Variants in PSD3 observed in about 807,000 individuals in gnomAD.
PSD3 encodes pleckstrin and Sec7 domain containing 3, also known as PH and SEC7 domain-containing protein 3.
A neutral mutation model predicts 105.5 loss-of-function variants in PSD3; 49 were observed. That is an observed-to-expected ratio of 0.46 (90% CI 0.37 to 0.59). The LOEUF is 0.59. Among genes scored for constraint, PSD3 ranks in the 20% least tolerant of loss-of-function variants. The probability of loss-of-function intolerance (pLI) is 0.00; values close to 1 mark genes in which losing one functional copy is unlikely to be tolerated. For synonymous variants in PSD3, 557 were observed against 457.8 expected (o/e 1.22, Z -2.77); for missense variants, 1,561 against 1,263.8 (o/e 1.24, Z -3.57).
At chr8:18,679,376 G>T (rs142928223) in intron 9 of PSD3, among the ~76,000 whole-genome samples, 322 of 152,304 alleles carry the variant, frequency 2.1e-3, no homozygotes, top group African/African-American at 7.5e-3. Context: ...ATTGCAACAC[G>T]TTTTTAAAAA....
chr8:18,943,324 T>G (rs1822671099), intron 1 of PSD3, among the ~76,000 whole-genome samples: 1 of 152,238 alleles, frequency 6.6e-6, no homozygotes, highest in Non-Finnish European at 1.5e-5. Context: ...CTGTTGTTTA[T>G]TTCTGGGTAA....
chr8:18,648,847 T>C (rs1030740354), intron 10 of PSD3, among the ~76,000 whole-genome samples: 1 of 152,246 alleles, frequency 6.6e-6, no homozygotes. Flanking sequence ...AGGGCCAAGG[T>C]ACAGCTCAAG....
At chr8:18,914,199 G>GA (rs60489138) in intron 2 of PSD3, among the ~76,000 whole-genome samples, 57,299 of 137,950 alleles carry the variant, frequency 0.42, 11,941 homozygotes, top group African/African-American at 0.55. Flanking sequence ...TCATGATAAA[G>GA]AAAAAAAAAA....
intron 9 of PSD3, among the ~76,000 whole-genome samples, chr8:18,711,204 A>G (rs558538984): frequency 1.3e-5 from 2 of 152,336 alleles, no homozygotes; most frequent in South Asian, 4.1e-4. Flanking sequence ...ACACAGACCA[A>G]TAACACTATG....
chr8:19,019,060 G>C (rs546860827), intron 1 of PSD3, among the ~76,000 whole-genome samples: 25 of 152,282 alleles, frequency 1.6e-4, no homozygotes, highest in Admixed American at 1.4e-3. Context: ...CTCCCAAAAG[G>C]CTGGGATTAC....
At chr8:18,663,635 C>G (rs1297121973) in intron 9 of PSD3, among the ~76,000 whole-genome samples, 1 of 152,180 alleles carries the variant, frequency 6.6e-6, no homozygotes, top group Non-Finnish European at 1.5e-5. Flanking sequence ...TTCTATTGAA[C>G]TGGCTGTTGT....
chr8:19,046,426 C>T (rs1451656190), intron 1 of PSD3, among the ~76,000 whole-genome samples: 1 of 152,078 alleles, frequency 6.6e-6, no homozygotes, highest in Non-Finnish European at 1.5e-5. Context: ...AGATCTTATA[C>T]TTCTGACCTT....
rs1022867720 is a variant in PSD3 at position 18,788,071 on chromosome 8, C to A, written c.2082+11224G>T. ...GATAACACTGATTTACAGAAACAAG[C>A]CCCAGATGGATTTTGCCTATGAGTC... On this transcript the variant is annotated intron_variant, in intron 8 of 15. Transcript: ENST00000327040. 3.3e-5 allele frequency among the ~76,000 whole-genome samples: 5 copies of A among 152,240 alleles called. No individual in the cohort carries two copies. In the East Asian group the frequency reaches 9.7e-4, roughly 29 times the overall value.
rs1159862605 is a variant in PSD3 at position 18,790,847 on chromosome 8, C to G, written c.2082+8448G>C. Among the ~76,000 whole-genome samples, 2 of 151,502 alleles carry G rather than the reference C, an allele frequency of 1.3e-5. 1 individual carries two copies. The highest frequency in any genetic ancestry group is 3.9e-4 in the East Asian group (2 of 5,094). ...GTCAGGTAAAAACATAGACCAAAAG[C>G]TTCTCAAGGTGATAAGCAACCTTGG... On this transcript the variant is annotated intron_variant, in intron 8 of 15. Coordinates refer to ENST00000327040, the MANE Select transcript of PSD3 (RefSeq NM_015310.4).
chr8:18,920,038 C>CAA (rs548358518), intron 2 of PSD3, among the ~76,000 whole-genome samples: 2 of 134,232 alleles, frequency 1.5e-5, no homozygotes, highest in Admixed American at 7.3e-5. Context: ...AAAACAATCA[C>CAA]AAAAAAAAAA....
intron 1 of PSD3, among the ~76,000 whole-genome samples, chr8:18,963,995 G>A (rs1824089320): frequency 6.6e-6 from 1 of 152,202 alleles, no homozygotes; most frequent in Non-Finnish European, 1.5e-5. Flanking sequence ...TAATGTCTTA[G>A]TAAGAAGACA....
chr8:18,556,312 A>G lies in PSD3; in HGVS notation c.2825T>C (p.Ile942Thr). The change falls in exon 15 of 16, where the codon ATC (isoleucine) becomes ACC (threonine). Residue 942 changes from isoleucine (I) to threonine (T), a missense_variant. Transcript: ENST00000327040. ...LKSHESKLKQITTELAEHRSY... is the reference protein window; with the variant it reads ...LKSHESKLKQTTTELAEHRSY... ...GCGGTGCTCGGCCAGCTCGGTGGTG[A>G]TCTGCTTCAGCTTACTTTCATGTGA... 1 of 1,613,812 alleles carries G rather than the reference A, an allele frequency of 6.2e-7. No individual in the cohort carries two copies. Among genetic ancestry groups the G allele is most frequent in the South Asian group, 1.1e-5 (1 of 91,052 alleles).
At chr8:18,857,834 G>A (rs1301213955) in intron 4 of PSD3, among the ~76,000 whole-genome samples, 2 of 152,166 alleles carry the variant, frequency 1.3e-5, no homozygotes, top group African/African-American at 4.8e-5. Context: ...GGAGTTCAGT[G>A]TGTGTGATTT....
intron 1 of PSD3, among the ~76,000 whole-genome samples, chr8:19,071,766 G>T (rs963128898): frequency 6.6e-6 from 1 of 152,068 alleles, no homozygotes. Context: ...TGTTGCCCAG[G>T]CTGGAGTGCA....
chr8:18,586,129 C>T (rs1232423632), intron 12 of PSD3, among the ~76,000 whole-genome samples: 1 of 152,090 alleles, frequency 6.6e-6, no homozygotes, highest in Non-Finnish European at 1.5e-5. Flanking sequence ...CACAGGGCGG[C>T]CACAACCTTA....
chr8:18,727,983 T>C lies in PSD3; in HGVS notation c.2172+37466A>G, dbSNP rs142449480. ...TGAGGGCAGGGATTTTTCACTGTTATATCTTCACCACCTAGATCAATGCCT... is the reference window on the plus strand; with the variant it reads ...TGAGGGCAGGGATTTTTCACTGTTACATCTTCACCACCTAGATCAATGCCT... On this transcript the variant is annotated intron_variant, in intron 9 of 15. Coordinates refer to ENST00000327040, the MANE Select transcript of PSD3 (RefSeq NM_015310.4). Among the ~76,000 whole-genome samples, 29 of 152,240 alleles carry C rather than the reference T, an allele frequency of 1.9e-4. No homozygotes were observed. The East Asian group carries it at 5.2e-3, about 27-fold the overall frequency.
chr8:18,565,437 C>A (rs896971540), intron 14 of PSD3, among the ~76,000 whole-genome samples: 1 of 152,164 alleles, frequency 6.6e-6, no homozygotes, highest in African/African-American at 2.4e-5. Context: ...CAGAGTTGTT[C>A]AGAAAGTACC....
At chr8:18,558,143 T>C (rs548965587) in intron 14 of PSD3, among the ~76,000 whole-genome samples, 1 of 152,306 alleles carries the variant, frequency 6.6e-6, no homozygotes, top group Non-Finnish European at 1.5e-5. Context: ...AATAGATGTC[T>C]GCTATGGAAG....
At chr8:18,970,344 A>AAAAAAG (rs1563474672) in intron 1 of PSD3, among the ~76,000 whole-genome samples, 17 of 148,510 alleles carry the variant, frequency 1.1e-4, no homozygotes, top group African/African-American at 4.3e-4. Context: ...AAAAAAAAAA[A>AAAAAAG]AAAACAAAGA....
Sources: allele counts gnomAD v4.1 joint callset (sites outside exome capture counted in the v4.1 genomes callset), GRCh38; gene constraint gnomAD v4.1.1; transcripts MANE v1.5; gene names NCBI Gene and HGNC (gene_info 2026-07-23, HGNC 2026-07-21).